Variants in LYPLAL1 observed in about 807,000 individuals in gnomAD.
LYPLAL1 encodes lysophospholipase-like protein 1.
Under a neutral mutation model 19.7 loss-of-function variants are expected in LYPLAL1, and 23 were observed. The observed-to-expected ratio is 1.17, with a 90% CI of 0.84 to 1.65. The LOEUF (loss-of-function observed/expected upper bound fraction) is 1.65. Ranked by LOEUF, LYPLAL1 falls within the 40% of genes most tolerant of loss-of-function variation. LYPLAL1 has a pLI of 0.00. For missense variants in LYPLAL1, 355 were observed against 279.4 expected, an observed-to-expected ratio of 1.27 and a Z score of -1.93; for synonymous variants, 119 against 96.3, an observed-to-expected ratio of 1.24 and a Z score of -1.38.
the LYPLAL1 span, among the ~76,000 whole-genome samples, chr1:219,356,663 G>C: frequency 6.6e-6 from 1 of 152,134 alleles, no homozygotes; most frequent in Admixed American, 6.5e-5. Flanking sequence ...GCCTCACAAA[G>C]ATTTGTAGTC....
the LYPLAL1 span, among the ~76,000 whole-genome samples, chr1:219,416,282 A>G: frequency 4.6e-4 from 70 of 152,212 alleles, no homozygotes; most frequent in Admixed American, 1.2e-3. Flanking sequence ...ACAGTTTCTC[A>G]GACCTTCCTT....
intron 3 of LYPLAL1, among the ~76,000 whole-genome samples, chr1:219,204,011 A>G (rs932066983): frequency 3.9e-5 from 6 of 152,148 alleles, no homozygotes; most frequent in African/African-American, 1.4e-4. Context: ...TTCTTAATAG[A>G]AAAAATAGTA....
chr1:219,224,473 G>T, the LYPLAL1 span, among the ~76,000 whole-genome samples: 1 of 152,102 alleles, frequency 6.6e-6, no homozygotes, highest in Non-Finnish European at 1.5e-5. Flanking sequence ...TTTATTACTG[G>T]AGGGGAATTC....
At chr1:219,217,598 A>G (rs562397594), downstream of LYPLAL1, among the ~76,000 whole-genome samples, 9 of 152,140 alleles carry the variant, frequency 5.9e-5, no homozygotes, top group South Asian at 1.5e-3. Context: ...TTCAGAGGAG[A>G]CCTTCAATTA....
the LYPLAL1 span, among the ~76,000 whole-genome samples, chr1:219,401,354 T>TTTTTTTTTTTTTTTTTGA: frequency 1.3e-5 from 2 of 149,752 alleles, no homozygotes; most frequent in East Asian, 2.0e-4. Flanking sequence ...TTTTTTTAAT[T>TTTTTTTTTTTTTTTTTGA]GCCACTTAAC....
the LYPLAL1 span, among the ~76,000 whole-genome samples, chr1:219,387,767 A>G: frequency 2.0e-5 from 3 of 152,212 alleles, no homozygotes; most frequent in Admixed American, 1.3e-4. Context: ...TTCATTTTAA[A>G]TGACATTCCC....
the LYPLAL1 span, among the ~76,000 whole-genome samples, chr1:219,394,589 C>G: frequency 2.6e-5 from 4 of 152,248 alleles, no homozygotes; most frequent in Admixed American, 2.0e-4. Flanking sequence ...CAATATTTTT[C>G]CTTTTGTGAC....
At chr1:219,347,009 C>A in the LYPLAL1 span, among the ~76,000 whole-genome samples, 1 of 152,128 alleles carries the variant, frequency 6.6e-6, no homozygotes, top group East Asian at 1.9e-4. Flanking sequence ...GTTTTTAAAC[C>A]ACACAAGCAC....
chr1:219,239,542 T>C, the LYPLAL1 span, among the ~76,000 whole-genome samples: 1 of 152,340 alleles, frequency 6.6e-6, no homozygotes, highest in East Asian at 1.9e-4. Flanking sequence ...TTCATAGAAG[T>C]ATGTTTGTGA....
intron 3 of LYPLAL1, among the ~76,000 whole-genome samples, chr1:219,194,653 T>A (rs1415213893): frequency 6.6e-6 from 1 of 151,952 alleles, no homozygotes; most frequent in Non-Finnish European, 1.5e-5. Flanking sequence ...CCTATCACAA[T>A]GCCTGGCACA....
chr1:219,331,775 C>T, the LYPLAL1 span, among the ~76,000 whole-genome samples: 4 of 152,070 alleles, frequency 2.6e-5, no homozygotes, highest in Non-Finnish European at 5.9e-5. Flanking sequence ...AGTCTGTAGC[C>T]GTAACTCAAG....
chr1:219,434,081 G>A, the LYPLAL1 span, among the ~76,000 whole-genome samples: 3 of 152,070 alleles, frequency 2.0e-5, no homozygotes, highest in Non-Finnish European at 4.4e-5. Flanking sequence ...AAAATACCAC[G>A]TGGAAAAAGA....
chr1:219,252,996 C>T, the LYPLAL1 span, among the ~76,000 whole-genome samples: 11 of 152,110 alleles, frequency 7.2e-5, no homozygotes, highest in African/African-American at 2.4e-4. Context: ...TAAATTTCTT[C>T]TTCCTGGCTC....
intron 2 of LYPLAL1, among the ~76,000 whole-genome samples, chr1:219,183,502 T>A (rs1389781077): frequency 2.6e-5 from 4 of 152,048 alleles, no homozygotes; most frequent in Non-Finnish European, 5.9e-5. Flanking sequence ...TACAGAGAAT[T>A]TTGGTAAAAT....
the LYPLAL1 span, among the ~76,000 whole-genome samples, chr1:219,386,269 T>A: frequency 6.6e-6 from 1 of 152,200 alleles, no homozygotes; most frequent in Non-Finnish European, 1.5e-5. Context: ...AACAATGGCC[T>A]TTGGATTACT....
the LYPLAL1 span, among the ~76,000 whole-genome samples, chr1:219,221,471 G>A: frequency 2.0e-4 from 31 of 152,282 alleles, no homozygotes; most frequent in Admixed American, 7.8e-4. Flanking sequence ...CACTTTGTTA[G>A]TCATGGAGTC....
chr1:219,290,363 G>A, the LYPLAL1 span, among the ~76,000 whole-genome samples: 2 of 152,132 alleles, frequency 1.3e-5, no homozygotes, highest in Admixed American at 6.6e-5. Context: ...TTCCCAGGAC[G>A]TTAGTTATTC....
chr1:219,408,617 T>TG, the LYPLAL1 span, among the ~76,000 whole-genome samples: 49 of 151,914 alleles, frequency 3.2e-4, no homozygotes, highest in Middle Eastern at 6.8e-3. Flanking sequence ...TGGCAGGGGC[T>TG]GGGGGGGTGG....
intron 2 of LYPLAL1, among the ~76,000 whole-genome samples, chr1:219,179,887 A>C (rs1656132168): frequency 6.6e-6 from 1 of 152,242 alleles, no homozygotes; most frequent in South Asian, 2.1e-4. Flanking sequence ...ACATGCCGTA[A>C]ATCAGGGATT....
Sources: allele counts gnomAD v4.1 joint callset (sites outside exome capture counted in the v4.1 genomes callset), GRCh38; gene constraint gnomAD v4.1.1; transcripts MANE v1.5; gene names NCBI Gene and HGNC (gene_info 2026-07-23, HGNC 2026-07-21).